The following OPCML variants were observed in gnomAD, a reference collection of about 807,000 sequenced individuals.
The protein encoded by OPCML is opioid-binding protein/cell adhesion molecule.
A neutral mutation model predicts 37.8 loss-of-function variants in OPCML; 13 were observed. That is an observed-to-expected ratio of 0.34 (90% CI 0.22 to 0.55). The LOEUF (loss-of-function observed/expected upper bound fraction) is 0.55. Among genes scored for constraint, OPCML ranks in the 20% least tolerant of loss-of-function variants. The pLI is 0.91. For missense variants in OPCML, 341 were observed against 435.6 expected, an observed-to-expected ratio of 0.78 and a Z score of 1.93; for synonymous variants, 176 against 168.8, an observed-to-expected ratio of 1.04 and a Z score of -0.33.
intron 1 of OPCML, among the ~76,000 whole-genome samples, chr11:133,334,334 T>G (rs1401522808): frequency 6.6e-6 from 1 of 152,190 alleles, no homozygotes; most frequent in East Asian, 1.9e-4. Context: ...AACAAGATCA[T>G]GTCTTTTGCA....
chr11:133,289,460 T>TGGC (rs1942403960), intron 1 of OPCML, among the ~76,000 whole-genome samples: 1 of 150,760 alleles, frequency 6.6e-6, no homozygotes, highest in Non-Finnish European at 1.5e-5. Flanking sequence ...CCGGGCGTAG[T>TGGC]GGCGGGCGCC....
At chr11:132,652,349 A>AAC (rs5795793) in intron 3 of OPCML, among the ~76,000 whole-genome samples, 49,907 of 142,392 alleles carry the variant, frequency 0.35, 8,883 homozygotes, top group Middle Eastern at 0.51. Context: ...AAGAATGACA[A>AAC]ACACACACAC....
intron 1 of OPCML, among the ~76,000 whole-genome samples, chr11:133,404,332 G>A (rs191941123): frequency 3.9e-5 from 6 of 152,208 alleles, no homozygotes; most frequent in Non-Finnish European, 5.9e-5. Flanking sequence ...ATTCGCAGGC[G>A]CGAGGAGTAG....
chr11:133,392,405 TAAG>T (rs1945191611), intron 1 of OPCML, among the ~76,000 whole-genome samples: 1 of 152,312 alleles, frequency 6.6e-6, no homozygotes, highest in Admixed American at 6.5e-5. Context: ...ATCTTGGCAC[TAAG>T]AAAACTGTTC....
At chr11:133,087,679 A>G (rs1240550395) in intron 1 of OPCML, among the ~76,000 whole-genome samples, 1 of 152,226 alleles carries the variant, frequency 6.6e-6, no homozygotes, top group Non-Finnish European at 1.5e-5. Context: ...AACATTTAGG[A>G]GCATCTATTA....
At chr11:132,858,611 C>T (rs1942163609) in intron 2 of OPCML, among the ~76,000 whole-genome samples, 1 of 152,158 alleles carries the variant, frequency 6.6e-6, no homozygotes, top group Non-Finnish European at 1.5e-5. Flanking sequence ...AGAACTTTGG[C>T]TCAGGTATCA....
At chr11:132,589,309 T>C (rs1277398414) in intron 3 of OPCML, among the ~76,000 whole-genome samples, 2 of 152,184 alleles carry the variant, frequency 1.3e-5, no homozygotes, top group Non-Finnish European at 2.9e-5. Flanking sequence ...ACAGTTTCCA[T>C]GTGGATGCTA....
At chr11:132,824,821 C>T (rs1940203192) in intron 2 of OPCML, among the ~76,000 whole-genome samples, 1 of 152,196 alleles carries the variant, frequency 6.6e-6, no homozygotes, top group Non-Finnish European at 1.5e-5. Flanking sequence ...GTGACCCCAT[C>T]TCACACCACT....
chr11:132,782,927 A>ATATATATATATG, intron 2 of OPCML, among the ~76,000 whole-genome samples: 1 of 146,134 alleles, frequency 6.8e-6, no homozygotes, highest in Non-Finnish European at 1.5e-5. Context: ...GTATATATAT[A>ATATATATATATG]TATATATATA....
At chr11:133,087,753 C>A (rs930386753) in intron 1 of OPCML, among the ~76,000 whole-genome samples, 1 of 152,158 alleles carries the variant, frequency 6.6e-6, no homozygotes, top group Non-Finnish European at 1.5e-5. Flanking sequence ...TGACTAGAAC[C>A]CTGTAGAGGT....
chr11:133,105,308 T>C (rs1477591362), intron 1 of OPCML, among the ~76,000 whole-genome samples: 8 of 152,206 alleles, frequency 5.3e-5, no homozygotes, highest in Non-Finnish European at 8.8e-5. Flanking sequence ...GTGTAGTTGC[T>C]GAGGGCTTCA....
intron 3 of OPCML, among the ~76,000 whole-genome samples, chr11:132,578,937 C>A (rs2096456590): frequency 6.6e-6 from 1 of 151,700 alleles, no homozygotes; most frequent in Admixed American, 6.6e-5. Flanking sequence ...CTCCCTGAAT[C>A]AACAAGCCTC....
At position 133,111,277 on chromosome 11, in the gene OPCML, G is replaced by A. The variant is rs1044786759; in HGVS notation, c.62-168267C>T. Among the ~76,000 whole-genome samples, 8 of 152,140 alleles carry A rather than the reference G, an allele frequency of 5.3e-5. No individual in the cohort carries two copies. The South Asian group carries it at 1.2e-3, about 24-fold the overall frequency. ...AAGAAAATCATTTACCCACTGGCAC[G>A]GTAGCTAGTTTCCCTGTCTATTCCA... is the stretch of plus-strand genomic sequence containing the variant. On this transcript the variant is annotated intron_variant, in intron 1 of 7. Transcript: ENST00000524381.
rs1460389052 is a variant in OPCML, at chr11:133,007,041, G to GA, written c.62-64032dup. ...AAAACAGGAGAGAGGAAAGGCATGA[G>GA]AAAAAAATCCTTTTCTTTCCAGACT... is the stretch of plus-strand genomic sequence containing the variant. On this transcript the variant is annotated intron_variant, in intron 1 of 7. Transcript: ENST00000524381. The GA allele has an allele frequency of 1.6e-5, 16 of 985,198 alleles. No individual in the cohort carries two copies. The South Asian group carries it at 4.2e-4, about 26-fold the overall frequency. The allele number at this position is 985,198 out of a possible 1,614,324, so 61.0% of individuals were successfully genotyped here.
At chr11:132,456,082 G>T (rs1029993988) in intron 4 of OPCML, among the ~76,000 whole-genome samples, 2 of 152,132 alleles carry the variant, frequency 1.3e-5, no homozygotes, top group African/African-American at 4.8e-5. Context: ...CATTCTCACA[G>T]CTGTTCATAT....
At chr11:133,115,974 A>G (rs1949327183) in intron 1 of OPCML, among the ~76,000 whole-genome samples, 1 of 151,424 alleles carries the variant, frequency 6.6e-6, no homozygotes, top group Non-Finnish European at 1.5e-5. Flanking sequence ...TATTATTAAT[A>G]TATATATATT....
At chr11:133,004,915 C>T (rs1947076847) in intron 1 of OPCML, 1 of 985,294 alleles carries the variant, frequency 1.0e-6, no homozygotes, top group Non-Finnish European at 1.2e-6. Flanking sequence ...CTTCTGTGGA[C>T]TTCTCCATTG....
chr11:133,480,441 C>A (rs1036547012), intron 1 of OPCML, among the ~76,000 whole-genome samples: 5 of 152,194 alleles, frequency 3.3e-5, no homozygotes, highest in Admixed American at 2.6e-4. Context: ...GTGTGCTCGT[C>A]CCATCCTTAC....
In OPCML at chr11:133,156,973, C is replaced by A. The variant is rs188690885; in HGVS notation, c.62-213963G>T. On this transcript the variant is annotated intron_variant, in intron 1 of 7. Transcript: ENST00000524381. ...AGCACTCACAGCAGCCTGTTCCCTGCTCACCCCACACGTTTCAGCTCATGA... is the reference window on the plus strand; with the variant it reads ...AGCACTCACAGCAGCCTGTTCCCTGATCACCCCACACGTTTCAGCTCATGA... 2.6e-5 allele frequency among the ~76,000 whole-genome samples: 4 copies of A among 152,186 alleles called. No individual in the cohort carries two copies. The East Asian group carries it at 5.8e-4, about 22-fold the overall frequency.
Sources: allele counts gnomAD v4.1 joint callset (sites outside exome capture counted in the v4.1 genomes callset), GRCh38; gene constraint gnomAD v4.1.1; transcripts MANE v1.5; gene names NCBI Gene and HGNC (gene_info 2026-07-23, HGNC 2026-07-21).